Variants in HIBADH observed in about 807,000 individuals in gnomAD.
HIBADH encodes 3-hydroxyisobutyrate dehydrogenase.
HIBADH carries 25 observed loss-of-function variants against 36.1 expected under a neutral mutation model. The observed-to-expected ratio is 0.69, with a 90% CI of 0.50 to 0.97. HIBADH has a LOEUF of 0.97. Among genes scored for constraint, HIBADH ranks in the 50% least tolerant of loss-of-function variants. The probability of loss-of-function intolerance (pLI) is 0.00; values close to 1 mark genes in which losing one functional copy is unlikely to be tolerated. For synonymous variants in HIBADH, 160 were observed against 149.5 expected (o/e 1.07, Z -0.51); for missense variants, 421 against 418.0 (o/e 1.01, Z -0.06).
intron 1 of HIBADH, among the ~76,000 whole-genome samples, chr7:27,661,270 G>A (rs972806126): frequency 6.6e-6 from 1 of 152,252 alleles, no homozygotes; most frequent in East Asian, 1.9e-4. Context: ...CACTGAGGGG[G>A]AGAATGGGAA....
At chr7:27,625,873 G>C (rs922041222) in intron 4 of HIBADH, among the ~76,000 whole-genome samples, 11 of 151,944 alleles carry the variant, frequency 7.2e-5, no homozygotes, top group African/African-American at 2.7e-4. Flanking sequence ...AGGCTAAGGA[G>C]GGCAGAACAC....
At chr7:27,655,583 AT>A (rs1298995086) in intron 1 of HIBADH, among the ~76,000 whole-genome samples, 2 of 151,852 alleles carry the variant, frequency 1.3e-5, no homozygotes, top group Non-Finnish European at 2.9e-5. Flanking sequence ...TATGGAAAAA[AT>A]ATCACAAACA....
intron 4 of HIBADH, among the ~76,000 whole-genome samples, chr7:27,570,219 T>C (rs1784608950): frequency 6.6e-6 from 1 of 151,822 alleles, no homozygotes; most frequent in Admixed American, 6.6e-5. Flanking sequence ...CTGCCCAAGG[T>C]TTTTAGACAC....
At chr7:27,568,415 T>A in intron 4 of HIBADH, among the ~76,000 whole-genome samples, 1 of 151,438 alleles carries the variant, frequency 6.6e-6, no homozygotes, top group East Asian at 1.9e-4. Context: ...TAATGCATCA[T>A]TTTTTTTTCT....
rs150126454 is a variant in HIBADH, at chr7:27,540,017, A to G, written c.619-1600T>C. 3.3e-3 allele frequency among the ~76,000 whole-genome samples: 497 copies of G among 152,214 alleles called. 1 individual carries two copies. The highest frequency in any genetic ancestry group is 7.1e-3 in the Admixed American group (109 of 15,278). Reference sequence around the variant, plus strand: ...GCTCTTCGCTGTCTCGGGGTGACAGAGGCAGAAGAGGTGGAGGTGGTAGAA... The same window carrying G: ...GCTCTTCGCTGTCTCGGGGTGACAGGGGCAGAAGAGGTGGAGGTGGTAGAA... On this transcript the variant is annotated intron_variant, in intron 5 of 7. Coordinates refer to ENST00000265395, the MANE Select transcript of HIBADH (RefSeq NM_152740.4).
intron 1 of HIBADH, among the ~76,000 whole-genome samples, chr7:27,649,943 C>A (rs1457667538): frequency 6.6e-6 from 1 of 151,584 alleles, no homozygotes; most frequent in East Asian, 1.9e-4. Context: ...ATGGACCTAA[C>A]CACATTTAAA....
intron 1 of HIBADH, among the ~76,000 whole-genome samples, chr7:27,659,084 T>C (rs1361329474): frequency 1.5e-4 from 23 of 152,236 alleles, no homozygotes; most frequent in Admixed American, 1.5e-3. Context: ...ACTTTGAAAG[T>C]AAATTTCACA....
Position 27,629,477 on chromosome 7 carries a change from G to A in HIBADH, c.378C>T (p.Gly126=). The A allele has an allele frequency of 6.3e-7, 1 of 1,587,808 alleles. No homozygotes were observed. Among genetic ancestry groups the A allele is most frequent in the Non-Finnish European group, 8.6e-7 (1 of 1,165,202 alleles). The change falls in exon 4 of 8, where the codon GGC becomes GGT. Residue 126 remains glycine (G), a synonymous_variant. Coordinates refer to ENST00000265395, the MANE Select transcript of HIBADH (RefSeq NM_152740.4). ...ANGILKKVKK[G]SLLIDSSTID... ...TAGTGCTGGAATCTATTAATAATGA[G>A]CCCTTCTTCACTTTTCTAAGTAAAT...
chr7:27,553,043 T>C (rs1784340753), intron 4 of HIBADH, among the ~76,000 whole-genome samples: 2 of 152,202 alleles, frequency 1.3e-5, no homozygotes, highest in African/African-American at 4.8e-5. Flanking sequence ...AATAAAGCTA[T>C]ACCTTGCTCT....
chr7:27,661,718 T>G (rs1356406788), intron 1 of HIBADH, among the ~76,000 whole-genome samples: 1 of 152,056 alleles, frequency 6.6e-6, no homozygotes, highest in Non-Finnish European at 1.5e-5. Flanking sequence ...CAGTATGATC[T>G]TGCTAAACGA....
chr7:27,545,064 T>C (rs967537347), intron 4 of HIBADH, among the ~76,000 whole-genome samples: 15 of 152,220 alleles, frequency 9.9e-5, no homozygotes, highest in Admixed American at 2.6e-4. Context: ...TTCTAAAGTT[T>C]TGACATTCCT....
chr7:27,661,981 G>A (rs1330179355), intron 1 of HIBADH, among the ~76,000 whole-genome samples: 2 of 152,152 alleles, frequency 1.3e-5, no homozygotes. Context: ...TCTAAAAACT[G>A]CCTCTTTGTA....
intron 4 of HIBADH, among the ~76,000 whole-genome samples, chr7:27,617,267 A>G (rs961937376): frequency 6.6e-6 from 1 of 152,238 alleles, no homozygotes; most frequent in African/African-American, 2.4e-5. Context: ...TCAGTATAGT[A>G]ACATGTTGTA....
At chr7:27,607,756 AT>A (rs1319496453) in intron 4 of HIBADH, among the ~76,000 whole-genome samples, 3 of 148,578 alleles carry the variant, frequency 2.0e-5, no homozygotes, top group African/African-American at 5.0e-5. Flanking sequence ...AAAAAAAAAA[AT>A]GTTATAGCCT....
intron 4 of HIBADH, among the ~76,000 whole-genome samples, chr7:27,609,526 G>C (rs1799792470): frequency 6.6e-6 from 1 of 152,088 alleles, no homozygotes; most frequent in Non-Finnish European, 1.5e-5. Flanking sequence ...TAAAATTATG[G>C]GAAAATGTAA....
chr7:27,555,708 T>G (rs1025740296), intron 4 of HIBADH, among the ~76,000 whole-genome samples: 1 of 152,126 alleles, frequency 6.6e-6, no homozygotes, highest in Admixed American at 6.5e-5. Flanking sequence ...TTGGATCACT[T>G]GAAAGACAAT....
At chr7:27,557,763 T>C (rs919871428) in intron 4 of HIBADH, among the ~76,000 whole-genome samples, 1 of 152,200 alleles carries the variant, frequency 6.6e-6, no homozygotes, top group Non-Finnish European at 1.5e-5. Flanking sequence ...CCTAATCACC[T>C]CTTAAAGACC....
intron 4 of HIBADH, among the ~76,000 whole-genome samples, chr7:27,624,087 C>T (rs1216948030): frequency 5.9e-5 from 9 of 152,168 alleles, no homozygotes; most frequent in African/African-American, 2.2e-4. Context: ...CATAAGCCAC[C>T]GCATGCCCGG....
intron 4 of HIBADH, among the ~76,000 whole-genome samples, chr7:27,608,519 C>G (rs577632771): frequency 6.6e-6 from 1 of 152,104 alleles, no homozygotes; most frequent in Admixed American, 6.5e-5. Context: ...TTCTTGAAAA[C>G]TTCAAATAAG....
Sources: gnomAD v4.1 joint callset for allele counts (sites outside exome capture counted in the v4.1 genomes callset) on GRCh38, gnomAD v4.1.1 for gene constraint, MANE v1.5 for transcripts, NCBI Gene and HGNC (gene_info 2026-07-23, HGNC 2026-07-21) for gene names.